Variants in DEPTOR observed in about 807,000 individuals in gnomAD.
DEPTOR encodes DEP domain-containing mTOR-interacting protein.
Under a neutral mutation model 41.6 loss-of-function variants are expected in DEPTOR, and 41 were observed. The observed-to-expected ratio is 0.98, with a 90% CI of 0.77 to 1.28. The LOEUF (loss-of-function observed/expected upper bound fraction) is 1.28. Among genes scored for constraint, DEPTOR ranks in the 50% most tolerant of loss-of-function variants. DEPTOR has a pLI of 0.00. For synonymous variants in DEPTOR, 195 were observed against 192.3 expected (o/e 1.01, Z -0.12); for missense variants, 514 against 527.9 (o/e 0.97, Z 0.26).
At position 119,929,860 on chromosome 8, in the gene DEPTOR, GC is replaced by G. The variant is rs1563968688; in HGVS notation, c.348del (p.Phe117LeufsTer14). 6.2e-7 allele frequency: 1 copy of G among 1,613,784 alleles called. No individual in the cohort carries two copies. The highest frequency in any genetic ancestry group is 8.5e-7 in the Non-Finnish European group (1 of 1,179,808). Reference sequence around the variant, plus strand: ...TTCAAGGATGTCAAACTCTTCTACCGCTTTAGAAAGGATGACGGCACCTTCC... The same window carrying G: ...TTCAAGGATGTCAAACTCTTCTACCGTTTAGAAAGGATGACGGCACCTTCC... The part of the protein sequence containing the change: ...KEFKDVKLFY[R>X]FRKDDGTFPL... On this transcript the variant is annotated frameshift_variant, in exon 3 of 9. Coordinates refer to ENST00000286234, the MANE Select transcript of DEPTOR (RefSeq NM_022783.4). LOFTEE classifies it high-confidence loss of function.
intron 8 of DEPTOR, among the ~76,000 whole-genome samples, chr8:120,016,151 G>A (rs1812608549): frequency 6.6e-6 from 1 of 152,122 alleles, no homozygotes; most frequent in African/African-American, 2.4e-5. Context: ...ATAGTACAGA[G>A]AGAGCAAGAG....
At chr8:120,028,701 G>A (rs1310803260) in intron 8 of DEPTOR, among the ~76,000 whole-genome samples, 1 of 151,584 alleles carries the variant, frequency 6.6e-6, no homozygotes, top group Non-Finnish European at 1.5e-5. Flanking sequence ...GACCTCAAGT[G>A]ATCCACCCAC....
intron 3 of DEPTOR, among the ~76,000 whole-genome samples, chr8:119,950,883 C>T (rs1466689926): frequency 1.3e-5 from 2 of 152,142 alleles, no homozygotes; most frequent in Non-Finnish European, 2.9e-5. Context: ...CAGGCATGAG[C>T]GACAGCACCC....
intron 4 of DEPTOR, among the ~76,000 whole-genome samples, chr8:119,973,641 T>C (rs1828660632): frequency 6.6e-6 from 1 of 152,364 alleles, no homozygotes; most frequent in East Asian, 1.9e-4. Flanking sequence ...CAGATAATCA[T>C]GTGGGTAAAT....
chr8:120,049,026 A>G lies in DEPTOR; in HGVS notation c.1102-550A>G, dbSNP rs147576577. ...TATAGATATTTTTGGACTTAATATC[A>G]TGTTTAAGTTTACATCGATATTACC... On this transcript the variant is annotated intron_variant, in intron 8 of 8. Transcript: ENST00000286234. 2.4e-4 allele frequency among the ~76,000 whole-genome samples: 36 copies of G among 152,264 alleles called. No individual in the cohort carries two copies. In the East Asian group the frequency reaches 6.4e-3, roughly 27 times the overall value.
Position 119,937,156 on chromosome 8 carries a change from C to T in DEPTOR, c.425+7218C>T, listed in dbSNP as rs59591952. On this transcript the variant is annotated intron_variant, in intron 3 of 8. Transcript: ENST00000286234. ...CGGGCTCACGCCTATAATCCCAGCA[C>T]TTTGGGAGGCCGAGGCAGGCGGATC... 3.8e-3 allele frequency among the ~76,000 whole-genome samples: 584 copies of T among 152,296 alleles called. 1 individual carries two copies. The highest frequency in any genetic ancestry group is 0.013 in the African/African-American group (559 of 41,562).
At chr8:119,912,303 A>G (rs1026441055) in intron 1 of DEPTOR, among the ~76,000 whole-genome samples, 3 of 152,246 alleles carry the variant, frequency 2.0e-5, no homozygotes, top group African/African-American at 7.2e-5. Context: ...GCATACACAC[A>G]CACAATTCCC....
Position 120,009,136 on chromosome 8 carries a change from A to G in DEPTOR, c.1101+3A>G, listed in dbSNP as rs1388566190. The G allele has an allele frequency of 6.2e-7, 1 of 1,613,214 alleles. No homozygotes were observed. On this transcript the variant is annotated splice_donor_region_variant and intron_variant, in intron 8 of 8. Transcript: ENST00000286234. ...CTGCAGCCGCAGCAGGAATGAAGGT[A>G]CTAACGGGTCTTTCTCACCCTCTTT...
intron 1 of DEPTOR, among the ~76,000 whole-genome samples, chr8:119,881,921 T>G (rs757170036): frequency 1.3e-5 from 2 of 152,238 alleles, no homozygotes; most frequent in Non-Finnish European, 2.9e-5. Context: ...AGATAGGGTC[T>G]CACTCTGTCA....
chr8:119,936,080 CTT>C (rs1691369960), intron 3 of DEPTOR, among the ~76,000 whole-genome samples: 1 of 144,624 alleles, frequency 6.9e-6, no homozygotes, highest in Non-Finnish European at 1.5e-5. Context: ...CTATTAGTCT[CTT>C]TATCCTGCTT....
chr8:119,887,181 T>C, intron 1 of DEPTOR, among the ~76,000 whole-genome samples: 2 of 96,406 alleles, frequency 2.1e-5, no homozygotes, highest in African/African-American at 8.4e-5. Context: ...TCCCTTCCCT[T>C]CCCTTCTTTC....
At chr8:120,002,791 A>AAAAATATATATATATATATATATAT in intron 5 of DEPTOR, among the ~76,000 whole-genome samples, 186 bp from the exon 6 acceptor site, 5 of 60,666 alleles carry the variant, frequency 8.2e-5, no homozygotes, top group African/African-American at 3.0e-4. Context: ...AAAAAAAAAA[A>AAAAATATATATATATATATATATAT]ATATATATAT....
At chr8:119,978,157 C>T (rs1828719891) in intron 4 of DEPTOR, among the ~76,000 whole-genome samples, 1 of 152,194 alleles carries the variant, frequency 6.6e-6, no homozygotes, top group Non-Finnish European at 1.5e-5. Flanking sequence ...GAGGTCCTCA[C>T]TTTGCCCAAG....
chr8:119,992,239 AC>A (rs1384109025), intron 4 of DEPTOR, among the ~76,000 whole-genome samples: 2 of 152,174 alleles, frequency 1.3e-5, no homozygotes, highest in Non-Finnish European at 2.9e-5. Context: ...AGCCCCAGCC[AC>A]CCTTGTGCAC....
intron 8 of DEPTOR, among the ~76,000 whole-genome samples, chr8:120,015,878 A>C (rs115492913): frequency 0.012 from 1,878 of 152,152 alleles, 34 homozygotes; most frequent in African/African-American, 0.043. Context: ...TAGCCTTTTA[A>C]TATGCAAATG....
At chr8:120,040,285 A>ATCC (rs1240542200) in intron 8 of DEPTOR, among the ~76,000 whole-genome samples, 1 of 152,122 alleles carries the variant, frequency 6.6e-6, no homozygotes, top group Non-Finnish European at 1.5e-5. Context: ...GTAGAAAAAA[A>ATCC]TCCTAGCAGG....
chr8:120,024,967 C>A (rs1349003958), intron 8 of DEPTOR, among the ~76,000 whole-genome samples: 4 of 152,108 alleles, frequency 2.6e-5, no homozygotes, highest in Non-Finnish European at 1.5e-5. Flanking sequence ...AAAAAATGTA[C>A]AAACATCCTT....
intron 8 of DEPTOR, among the ~76,000 whole-genome samples, chr8:120,016,306 CT>C (rs978195505): frequency 4.7e-5 from 7 of 148,758 alleles, no homozygotes; most frequent in Admixed American, 1.3e-4. Flanking sequence ...TTTTTTTTTC[CT>C]TTTTTTTTGA....
intron 4 of DEPTOR, among the ~76,000 whole-genome samples, chr8:120,000,009 C>T (rs1812324081): frequency 1.3e-5 from 2 of 152,210 alleles, no homozygotes; most frequent in Non-Finnish European, 2.9e-5. Flanking sequence ...GGGCCGTAGA[C>T]TGTACCGATG....
Sources: allele counts gnomAD v4.1 joint callset (sites outside exome capture counted in the v4.1 genomes callset), GRCh38; gene constraint gnomAD v4.1.1; transcripts MANE v1.5; gene names NCBI Gene and HGNC (gene_info 2026-07-23, HGNC 2026-07-21).